TUBGCP4: variants seen among roughly 807,000 people sequenced by gnomAD.
TUBGCP4 encodes tubulin gamma complex component 4, also known as gamma-tubulin complex component 4.
In TUBGCP4, 54 loss-of-function variants were observed where a neutral mutation model predicts 91.6. The observed-to-expected ratio is 0.59, with a 90% confidence interval of 0.47 to 0.74. TUBGCP4 has a LOEUF of 0.74. Among genes scored for constraint, TUBGCP4 ranks in the 30% least tolerant of loss-of-function variants. The probability of loss-of-function intolerance (pLI) is 0.00; values close to 1 mark genes in which losing one functional copy is unlikely to be tolerated. For missense variants in TUBGCP4, 593 were observed against 800.9 expected, an observed-to-expected ratio of 0.74 and a Z score of 3.13; for synonymous variants, 297 against 302.8, an observed-to-expected ratio of 0.98 and a Z score of 0.20.
chr15:43,375,580 G>T (rs776914407), intron 1 of TUBGCP4, among the ~76,000 whole-genome samples: 1 of 152,204 alleles, frequency 6.6e-6, no homozygotes, highest in East Asian at 1.9e-4. Context: ...AATATATATG[G>T]CCAGTTATAA....
chr15:43,389,371 A>G (rs2044431149), intron 9 of TUBGCP4, among the ~76,000 whole-genome samples: 1 of 152,066 alleles, frequency 6.6e-6, no homozygotes, highest in Non-Finnish European at 1.5e-5. Flanking sequence ...CTATCTGCAA[A>G]TGAGAGAACT....
chr15:43,393,490 C>T (rs1478771816), intron 9 of TUBGCP4, among the ~76,000 whole-genome samples: 1 of 151,682 alleles, frequency 6.6e-6, no homozygotes, highest in Admixed American at 6.6e-5. Context: ...TACATGTGCA[C>T]AATGTGCAGG....
rs1161070422 is a variant in TUBGCP4 at position 43,385,886 on chromosome 15, T to TG, written c.820dup (p.Glu274GlyfsTer14). 6.2e-7 allele frequency: 1 copy of TG among 1,614,118 alleles called. No homozygotes were observed. Among genetic ancestry groups the TG allele is most frequent in the Non-Finnish European group, 8.5e-7 (1 of 1,180,010 alleles). On this transcript the variant is annotated frameshift_variant, in exon 8 of 18. Transcript: ENST00000564079. LOFTEE classifies it high-confidence loss of function. ...CATCCTACATTCCAGTGAGGGTTGC[T>TG]GAAAAAATCCTATTTGTTGGAGAAT...
chr15:43,405,120 A>T, intron 17 of TUBGCP4, 82 bp from the exon 18 acceptor site: 3 of 1,495,498 alleles, frequency 2.0e-6, no homozygotes, highest in Non-Finnish European at 2.8e-6. Flanking sequence ...TATTTAGATC[A>T]CAGGTTATCC....
intron 12 of TUBGCP4, among the ~76,000 whole-genome samples, chr15:43,397,641 C>T (rs1325355232): frequency 6.6e-6 from 1 of 152,138 alleles, no homozygotes; most frequent in Non-Finnish European, 1.5e-5. Context: ...AAGAGAACCT[C>T]ACATAGAAGT....
Position 43,407,642 on chromosome 15 carries a change from A to T in TUBGCP4, c.*2428A>T. The T allele has an allele frequency of 1.4e-6, 2 of 1,406,360 alleles. No homozygotes were observed. Among genetic ancestry groups the T allele is most frequent in the Non-Finnish European group, 1.9e-6 (2 of 1,028,052 alleles). The allele number at this position is 1,406,360 out of a possible 1,614,324, so 87.1% of individuals were successfully genotyped here. A position where few individuals can be genotyped will look rare whatever the true frequency, so the allele number is the denominator to read the frequency against. ...GCCCTCCATTAGAAAGAGAGATTTG[A>T]TTCTAACCAATACATCCCACTCTGC... On this transcript the variant is annotated 3_prime_UTR_variant, in exon 18 of 18. Coordinates refer to ENST00000564079, the MANE Select transcript of TUBGCP4 (RefSeq NM_014444.5).
chr15:43,399,420 A>G (rs1223732323), intron 13 of TUBGCP4, among the ~76,000 whole-genome samples: 1 of 152,134 alleles, frequency 6.6e-6, no homozygotes, highest in African/African-American at 2.4e-5. Flanking sequence ...CAGGCAGCAC[A>G]CTGCAGCCTT....
intron 16 of TUBGCP4, 185 bp from the exon 17 acceptor site, chr15:43,404,228 C>T: frequency 1.6e-6 from 1 of 618,718 alleles, no homozygotes; most frequent in Non-Finnish European, 2.8e-6. Context: ...CATAGGAAGT[C>T]ATGCATGTAT....
intron 17 of TUBGCP4, 36 bp downstream of exon 17, chr15:43,404,588 T>G: frequency 5.6e-6 from 9 of 1,605,192 alleles, no homozygotes; most frequent in Middle Eastern, 1.7e-4. Context: ...GTAGACTTTT[T>G]AAGGTGGCTT....
At position 43,377,477 on chromosome 15, in the gene TUBGCP4, G is replaced by A. The variant is rs955353378; in HGVS notation, c.385-370G>A. The A allele has an allele frequency of 7.8e-5, 23 of 293,846 alleles. No homozygotes were observed. In the East Asian group the frequency reaches 1.6e-3, roughly 20 times the overall value. 18.2% of individuals were successfully genotyped at this position (293,846 alleles called of 1,614,324 possible). A position where few individuals can be genotyped will look rare whatever the true frequency, so the allele number is the denominator to read the frequency against. On this transcript the variant is annotated intron_variant, in intron 4 of 17. Transcript: ENST00000564079. ...GTCTCTACTAAACATACAAAAATTA[G>A]TCGGTTGTGGTGGCGTGCACCTGTA...
At chr15:43,382,076 G>C (rs2044292812) in intron 6 of TUBGCP4, among the ~76,000 whole-genome samples, 1 of 152,046 alleles carries the variant, frequency 6.6e-6, no homozygotes, top group Non-Finnish European at 1.5e-5. Flanking sequence ...AAGTAGGCAT[G>C]CTGTGTGCGC....
chr15:43,404,276 A>G (rs2142900089), intron 16 of TUBGCP4, 137 bp from the exon 17 acceptor site: 1 of 957,696 alleles, frequency 1.0e-6, no homozygotes, highest in Non-Finnish European at 1.5e-6. Context: ...TAATAGAAAT[A>G]GGAATGTGGG....
rs1407001815 is a variant in TUBGCP4 at position 43,407,495 on chromosome 15, G to A, written c.*2281G>A. On this transcript the variant is annotated 3_prime_UTR_variant, in exon 18 of 18. Coordinates refer to ENST00000564079, the MANE Select transcript of TUBGCP4 (RefSeq NM_014444.5). ...TTGTGACACCACAGGCAGCTGCAAT[G>A]CTTCAGCACACTTCAGCACCGAGGC... 4.3e-6 allele frequency: 7 copies of A among 1,614,084 alleles called. No individual in the cohort carries two copies. The highest frequency in any genetic ancestry group is 5.1e-6 in the Non-Finnish European group (6 of 1,180,050).
intron 4 of TUBGCP4, among the ~76,000 whole-genome samples, chr15:43,377,347 G>A (rs2044220633): frequency 6.6e-6 from 1 of 152,306 alleles, no homozygotes; most frequent in African/African-American, 2.4e-5. Context: ...TCCCGACTGG[G>A]CATGGTGGTA....
intron 16 of TUBGCP4, 25 bp from the exon 17 acceptor site, chr15:43,404,388 G>A (rs1477821569): frequency 6.2e-7 from 1 of 1,613,504 alleles, no homozygotes. Context: ...GAAGTGGAAT[G>A]ACAGCTGAGT....
intron 6 of TUBGCP4, 83 bp from the exon 7 acceptor site, chr15:43,383,220 A>T: frequency 8.6e-7 from 1 of 1,157,404 alleles, no homozygotes; most frequent in Non-Finnish European, 1.2e-6. Flanking sequence ...TTCTGTTATG[A>T]CTCATCAAAT....
chr15:43,399,324 G>A (rs916072423), intron 13 of TUBGCP4: 2 of 269,918 alleles, frequency 7.4e-6, no homozygotes, highest in African/African-American at 4.4e-5. Context: ...CTTTCTTTCG[G>A]CTCTCAGCGA....
chr15:43,380,804 T>A (rs1428383485), intron 6 of TUBGCP4, among the ~76,000 whole-genome samples: 1 of 152,206 alleles, frequency 6.6e-6, no homozygotes, highest in African/African-American at 2.4e-5. Context: ...GTATTTATCT[T>A]GTGATTACAA....
chr15:43,382,800 TC>T (rs1459940876), intron 6 of TUBGCP4, among the ~76,000 whole-genome samples: 1 of 152,162 alleles, frequency 6.6e-6, no homozygotes, highest in Non-Finnish European at 1.5e-5. Context: ...AATATCCTAT[TC>T]CCCAACAACC....
Sources: allele counts gnomAD v4.1 joint callset (sites outside exome capture counted in the v4.1 genomes callset), GRCh38; gene constraint gnomAD v4.1.1; transcripts MANE v1.5; gene names NCBI Gene and HGNC (gene_info 2026-07-23, HGNC 2026-07-21).